TTC29: variants seen among roughly 807,000 people sequenced by gnomAD.
The protein encoded by TTC29 is tetratricopeptide repeat domain 29.
In TTC29, 49 loss-of-function variants were observed where a neutral mutation model predicts 58.1. That is an observed-to-expected ratio of 0.84 (90% CI 0.67 to 1.07). TTC29 has a LOEUF of 1.07. TTC29 is among the 50% of genes least tolerant of loss of function. TTC29 has a pLI of 0.00. For missense variants in TTC29, 582 were observed against 555.6 expected (o/e 1.05, Z -0.48); for synonymous variants, 209 against 196.8 (o/e 1.06, Z -0.52).
chr4:146,811,914 A>G (rs1751050641), intron 10 of TTC29, among the ~76,000 whole-genome samples: 2 of 152,200 alleles, frequency 1.3e-5, no homozygotes, highest in Admixed American at 6.5e-5. Flanking sequence ...CATTTCAACC[A>G]ACTTTGTTAA....
chr4:146,913,505 G>A (rs1379035782), intron 4 of TTC29, among the ~76,000 whole-genome samples: 21 of 108,342 alleles, frequency 1.9e-4, no homozygotes, highest in African/African-American at 7.4e-4. Context: ...GAAATTCAGG[G>A]ACTCCCTAGC....
intron 2 of TTC29, among the ~76,000 whole-genome samples, chr4:146,942,156 CAG>C (rs1308773904): frequency 6.6e-6 from 1 of 152,124 alleles, no homozygotes; most frequent in African/African-American, 2.4e-5. Flanking sequence ...TTAAATATAA[CAG>C]AATCCTAGTA....
At chr4:146,741,320 A>G (rs1020915767) in intron 11 of TTC29, among the ~76,000 whole-genome samples, 5 of 152,164 alleles carry the variant, frequency 3.3e-5, no homozygotes, top group African/African-American at 1.2e-4. Flanking sequence ...TACCCAGTGG[A>G]AGACACAAAT....
chr4:146,876,631 G>T (rs897472377), intron 6 of TTC29, among the ~76,000 whole-genome samples: 2 of 152,066 alleles, frequency 1.3e-5, no homozygotes, highest in East Asian at 3.9e-4. Flanking sequence ...TCAGTAAACG[G>T]TCTGTAGAAA....
chr4:146,757,430 A>G (rs1274208981), intron 11 of TTC29, among the ~76,000 whole-genome samples: 1 of 152,186 alleles, frequency 6.6e-6, no homozygotes, highest in African/African-American at 2.4e-5. Context: ...GCCTGTTGCT[A>G]GAGATCTAGA....
chr4:146,854,443 T>C (rs983155804), intron 8 of TTC29, among the ~76,000 whole-genome samples: 11 of 152,172 alleles, frequency 7.2e-5, no homozygotes, highest in Non-Finnish European at 1.2e-4. Flanking sequence ...GTTATTTATT[T>C]GAAAACTCTG....
intron 10 of TTC29, among the ~76,000 whole-genome samples, chr4:146,805,781 G>A (rs995082128): frequency 2.6e-5 from 4 of 152,072 alleles, no homozygotes; most frequent in African/African-American, 9.7e-5. Context: ...TGAAAGTGAT[G>A]GGCAGAATGG....
chr4:146,795,928 A>G (rs1010629782), intron 11 of TTC29, among the ~76,000 whole-genome samples: 3 of 152,220 alleles, frequency 2.0e-5, no homozygotes, highest in African/African-American at 4.8e-5. Context: ...AGGCAGAGGT[A>G]AGACCCTTGC....
chr4:146,805,791 G>A (rs1407188455), intron 10 of TTC29, among the ~76,000 whole-genome samples: 3 of 152,102 alleles, frequency 2.0e-5, no homozygotes, highest in Non-Finnish European at 4.4e-5. Flanking sequence ...GGGCAGAATG[G>A]ATCCAAGTTA....
At chr4:146,907,782 G>A (rs937676502) in intron 5 of TTC29, among the ~76,000 whole-genome samples, 1 of 152,308 alleles carries the variant, frequency 6.6e-6, no homozygotes, top group East Asian at 1.9e-4. Flanking sequence ...TTACAGGCAT[G>A]AGCCACCGCG....
At chr4:146,909,002 T>C in intron 5 of TTC29, 24 bp downstream of exon 5, 1 of 1,603,190 alleles carries the variant, frequency 6.2e-7, no homozygotes. Context: ...CCTTCTGTGC[T>C]CTGCCCACAG....
chr4:146,780,302 G>GGGGTGTGT (rs373330447), intron 11 of TTC29, among the ~76,000 whole-genome samples: 65 of 138,542 alleles, frequency 4.7e-4, no homozygotes, highest in Admixed American at 6.5e-4. Context: ...CCTAACTTGG[G>GGGGTGTGT]GTGTGTGTGT....
intron 6 of TTC29, among the ~76,000 whole-genome samples, chr4:146,876,343 G>A (rs1731253692): frequency 6.6e-6 from 1 of 152,110 alleles, no homozygotes; most frequent in Non-Finnish European, 1.5e-5. Flanking sequence ...TGTTTATTAA[G>A]TATAACTTAC....
chr4:146,741,035 C>A (rs1203824385), intron 11 of TTC29, among the ~76,000 whole-genome samples: 1 of 152,148 alleles, frequency 6.6e-6, no homozygotes, highest in African/African-American at 2.4e-5. Flanking sequence ...CAATCTTATG[C>A]CTTAATGATT....
intron 11 of TTC29, among the ~76,000 whole-genome samples, chr4:146,709,023 A>G (rs1216297211): frequency 1.3e-5 from 2 of 152,002 alleles, no homozygotes; most frequent in South Asian, 2.1e-4. Context: ...TATACAGTCA[A>G]CCATTTGTCA....
At chr4:146,817,662 A>G (rs1252378726) in intron 10 of TTC29, among the ~76,000 whole-genome samples, 1 of 152,230 alleles carries the variant, frequency 6.6e-6, no homozygotes, top group Non-Finnish European at 1.5e-5. Context: ...TGGAGGCATC[A>G]TGCTACCTGA....
intron 12 of TTC29, 81 bp from the exon 13 acceptor site, chr4:146,707,269 T>A: frequency 9.8e-7 from 1 of 1,024,810 alleles, no homozygotes; most frequent in Non-Finnish European, 1.4e-6. Context: ...ATAATTTGTT[T>A]TCTGTAATTT....
At chr4:146,805,227 G>T (rs767938026) in intron 10 of TTC29, among the ~76,000 whole-genome samples, 2 of 152,098 alleles carry the variant, frequency 1.3e-5, no homozygotes, top group Non-Finnish European at 2.9e-5. Context: ...AATGCCATCC[G>T]AAGATTACCA....
intron 11 of TTC29, among the ~76,000 whole-genome samples, chr4:146,778,081 G>T (rs928698741): frequency 1.3e-5 from 2 of 152,132 alleles, no homozygotes; most frequent in Non-Finnish European, 2.9e-5. Context: ...CTTCGTGGAC[G>T]TGTTAAGTTT....
Sources: gnomAD v4.1 joint callset for allele counts (sites outside exome capture counted in the v4.1 genomes callset) on GRCh38, gnomAD v4.1.1 for gene constraint, MANE v1.5 for transcripts, NCBI Gene and HGNC (gene_info 2026-07-23, HGNC 2026-07-21) for gene names.